HYCC2: variants seen among roughly 807,000 people sequenced by gnomAD.
HYCC2 encodes hyccin PI4KA lipid kinase complex subunit 2.
the HYCC2 span, among the ~76,000 whole-genome samples, chr2:201,016,618 G>A: frequency 8.4e-6 from 1 of 119,434 alleles, no homozygotes; most frequent in Non-Finnish European, 1.8e-5. Context: ...TTTTTTTTTT[G>A]AGACGGAGTC....
chr2:201,068,689 T>C, the HYCC2 span, among the ~76,000 whole-genome samples: 1 of 152,148 alleles, frequency 6.6e-6, no homozygotes, highest in African/African-American at 2.4e-5. Context: ...AAACACTGTA[T>C]CTATCACAGG....
At chr2:201,016,425 A>G in the HYCC2 span, among the ~76,000 whole-genome samples, 2 of 151,958 alleles carry the variant, frequency 1.3e-5, no homozygotes, top group Admixed American at 6.6e-5. Context: ...AGTAGCTGGG[A>G]CTACAGGCAT....
the HYCC2 span, among the ~76,000 whole-genome samples, chr2:201,064,230 G>A: frequency 2.0e-5 from 3 of 152,062 alleles, no homozygotes; most frequent in Non-Finnish European, 4.4e-5. Context: ...CTGTATTTGT[G>A]ACTAATTGTA....
chr2:200,987,545 A>C, the HYCC2 span: 1 of 1,289,020 alleles, frequency 7.8e-7, no homozygotes, highest in Non-Finnish European at 1.0e-6. Flanking sequence ...GGGATTCAAC[A>C]TATAACATTT....
At chr2:201,044,028 T>G in the HYCC2 span, among the ~76,000 whole-genome samples, 1 of 152,174 alleles carries the variant, frequency 6.6e-6, no homozygotes, top group Non-Finnish European at 1.5e-5. Flanking sequence ...CTTGCAACCT[T>G]TCTGTTTATC....
At chr2:201,000,280 TTGAGCTCAGGAGGAGCACC>T in the HYCC2 span, among the ~76,000 whole-genome samples, 813 of 151,630 alleles carry the variant, frequency 5.4e-3, 2 homozygotes, top group Middle Eastern at 0.014. Flanking sequence ...GCAGGAGTAC[TTGAGCTCAGGAGGAGCACC>T]TGAGCTCAGG....
the HYCC2 span, among the ~76,000 whole-genome samples, chr2:200,991,754 A>AAAT: frequency 6.6e-6 from 1 of 151,126 alleles, no homozygotes; most frequent in Non-Finnish European, 1.5e-5. Flanking sequence ...ATAAAAATAA[A>AAAT]AAATTTAAAA....
chr2:201,028,709 G>A, the HYCC2 span, among the ~76,000 whole-genome samples: 228 of 152,256 alleles, frequency 1.5e-3, 2 homozygotes, highest in African/African-American at 5.3e-3. Flanking sequence ...AACAAGAAAC[G>A]GGGAAAGGAT....
At chr2:201,000,357 C>T in the HYCC2 span, among the ~76,000 whole-genome samples, 1 of 152,050 alleles carries the variant, frequency 6.6e-6, no homozygotes, top group Non-Finnish European at 1.5e-5. Flanking sequence ...CCACTGCACA[C>T]CAGCCTGGGC....
the HYCC2 span, among the ~76,000 whole-genome samples, chr2:201,003,050 G>A: frequency 8.1e-4 from 123 of 152,232 alleles, no homozygotes; most frequent in African/African-American, 2.8e-3. Flanking sequence ...AGATATCTAT[G>A]TGCCACTAGA....
the HYCC2 span, among the ~76,000 whole-genome samples, chr2:201,008,543 T>C: frequency 6.6e-6 from 1 of 152,240 alleles, no homozygotes; most frequent in African/African-American, 2.4e-5. Flanking sequence ...GAGGATCACG[T>C]TGAGGCCAGG....
At chr2:200,986,307 C>T in the HYCC2 span, among the ~76,000 whole-genome samples, 1 of 152,164 alleles carries the variant, frequency 6.6e-6, no homozygotes, top group Non-Finnish European at 1.5e-5. Flanking sequence ...TCTAATGCAC[C>T]AAAGAGCAAG....
the HYCC2 span, chr2:201,066,969 G>A: frequency 3.8e-6 from 1 of 263,338 alleles, no homozygotes; most frequent in Non-Finnish European, 7.4e-6. Context: ...AGTTCCTGCT[G>A]ACCAGAGTTC....
At chr2:201,033,159 ATGTG>A in the HYCC2 span, among the ~76,000 whole-genome samples, 6,251 of 117,786 alleles carry the variant, frequency 0.053, 198 homozygotes, top group Admixed American at 0.078. Context: ...ATGTGTGTGT[ATGTG>A]TGTGTGTGTG....
the HYCC2 span, chr2:200,981,382 TC>T: frequency 6.2e-7 from 1 of 1,614,178 alleles, no homozygotes. This position sits in a 1 kb window ranked among gnomAD's most constrained non-coding sequence, Gnocchi z 4.5. Flanking sequence ...TAGCCGGTCT[TC>T]CTGCAGACTG....
chr2:201,040,122 G>A, the HYCC2 span, among the ~76,000 whole-genome samples: 3 of 151,088 alleles, frequency 2.0e-5, no homozygotes, highest in Non-Finnish European at 2.9e-5. Context: ...GCAGTGAGCC[G>A]AGACCGCGCC....
the HYCC2 span, among the ~76,000 whole-genome samples, chr2:201,031,838 T>A: frequency 6.6e-6 from 1 of 152,226 alleles, no homozygotes; most frequent in East Asian, 1.9e-4. Flanking sequence ...CTTTTCTTGT[T>A]TCTGTTTCTG....
chr2:201,033,159 A>ATGTGTGTGTGTGTGTG, the HYCC2 span, among the ~76,000 whole-genome samples: 6 of 117,894 alleles, frequency 5.1e-5, no homozygotes, highest in Admixed American at 1.7e-4. Flanking sequence ...ATGTGTGTGT[A>ATGTGTGTGTGTGTGTG]TGTGTGTGTG....
At chr2:201,008,063 T>C in the HYCC2 span, among the ~76,000 whole-genome samples, 2 of 152,238 alleles carry the variant, frequency 1.3e-5, no homozygotes, top group East Asian at 3.8e-4. Context: ...GTGAGTATAA[T>C]GGCTTTCAGT....
Sources: allele counts gnomAD v4.1 joint callset (sites outside exome capture counted in the v4.1 genomes callset), GRCh38; gene constraint gnomAD v4.1.1; non-coding constraint Gnocchi (gnomAD v3.1); transcripts MANE v1.5; gene names NCBI Gene and HGNC (gene_info 2026-07-23, HGNC 2026-07-21).